The following CACNG2 variants were observed in gnomAD, a reference collection of about 807,000 sequenced individuals.
CACNG2 encodes voltage-dependent calcium channel gamma-2 subunit.
Under a neutral mutation model 25.9 loss-of-function variants are expected in CACNG2, and 3 were observed. The observed-to-expected ratio is 0.12, with a 90% CI of 0.05 to 0.30. CACNG2 has a LOEUF of 0.30. Among genes scored for constraint, CACNG2 ranks in the 10% least tolerant of loss-of-function variants. The pLI is 1.00. For synonymous variants in CACNG2, 167 were observed against 173.3 expected, an observed-to-expected ratio of 0.96 and a Z score of 0.29; for missense variants, 341 against 432.5, an observed-to-expected ratio of 0.79 and a Z score of 1.88.
intron 1 of CACNG2, among the ~76,000 whole-genome samples, chr22:36,636,133 C>T (rs745830378): frequency 6.6e-6 from 1 of 152,144 alleles, no homozygotes; most frequent in East Asian, 1.9e-4. Flanking sequence ...AGAATAAAAA[C>T]CAACATTCTT....
chr22:36,640,156 T>C (rs1936421150), intron 1 of CACNG2, among the ~76,000 whole-genome samples: 1 of 152,150 alleles, frequency 6.6e-6, no homozygotes, highest in African/African-American at 2.4e-5. Flanking sequence ...GTTAATATAG[T>C]TGTGCCTCAG....
intron 1 of CACNG2, among the ~76,000 whole-genome samples, chr22:36,620,755 C>T (rs576259043): frequency 2.2e-4 from 34 of 152,358 alleles, no homozygotes; most frequent in African/African-American, 7.9e-4. Context: ...TGCGTCAGAG[C>T]ATCCAGAGCC....
intron 1 of CACNG2, among the ~76,000 whole-genome samples, chr22:36,663,725 G>T (rs1475947253): frequency 6.6e-6 from 1 of 152,128 alleles, no homozygotes; most frequent in East Asian, 1.9e-4. Context: ...TGACTGCCTG[G>T]TACTGTTCAG....
chr22:36,608,702 C>CT (rs759580928), intron 1 of CACNG2, among the ~76,000 whole-genome samples: 199 of 142,282 alleles, frequency 1.4e-3, no homozygotes, highest in East Asian at 5.7e-3. Context: ...TCCTCAACAT[C>CT]TTTTTTTTTT....
intron 1 of CACNG2, among the ~76,000 whole-genome samples, chr22:36,607,199 G>C (rs1049871245): frequency 6.6e-6 from 1 of 152,052 alleles, no homozygotes; most frequent in Non-Finnish European, 1.5e-5. Flanking sequence ...TTTCCTACTT[G>C]GCAAAATATA....
At chr22:36,575,282 C>T (rs1387187360) in intron 2 of CACNG2, among the ~76,000 whole-genome samples, 1 of 152,200 alleles carries the variant, frequency 6.6e-6, no homozygotes, top group Non-Finnish European at 1.5e-5. Flanking sequence ...AGGCAAGCGA[C>T]ATCTTGCCTT....
At chr22:36,565,785 C>A (rs1026547059) in intron 3 of CACNG2, among the ~76,000 whole-genome samples, 1 of 152,196 alleles carries the variant, frequency 6.6e-6, no homozygotes, top group African/African-American at 2.4e-5. Context: ...CCACTGCACC[C>A]GGCCTGATGT....
intron 1 of CACNG2, among the ~76,000 whole-genome samples, chr22:36,618,786 G>A (rs1251598148): frequency 6.6e-6 from 1 of 152,104 alleles, no homozygotes. Context: ...TGGGTGTGGT[G>A]GTGTGTGCCT....
chr22:36,566,226 G>A lies in CACNG2; in HGVS notation c.436+127C>T, dbSNP rs910610771. ...CCACCACCTTCCTCCCCTGCAACAC[G>A]ACCTAGTGCAAGTCTTGGAGATTTC... On this transcript the variant is annotated intron_variant, in intron 3 of 3. Coordinates refer to ENST00000300105, the MANE Select transcript of CACNG2 (RefSeq NM_006078.5). 4 of 967,430 alleles carry A rather than the reference G, an allele frequency of 4.1e-6. 1 individual carries two copies. The highest frequency in any genetic ancestry group is 6.5e-6 in the Non-Finnish European group (4 of 619,400). The allele number at this position is 967,430 out of a possible 1,614,324, so 59.9% of individuals were successfully genotyped here.
chr22:36,568,128 T>C (rs571386830), intron 2 of CACNG2, among the ~76,000 whole-genome samples: 1 of 151,918 alleles, frequency 6.6e-6, no homozygotes, highest in East Asian at 2.0e-4. Context: ...GATTACAGGC[T>C]TGAGCCACCG....
Position 36,567,831 on chromosome 22 carries a change from G to T in CACNG2, c.296-1338C>A, listed in dbSNP as rs555680128. ...GGCAGAGCTGGCTTGAGGCAGGGGT[G>T]AGGGAAAATATGTCTTCTTTATTAT... On this transcript the variant is annotated intron_variant, in intron 2 of 3. Coordinates refer to ENST00000300105, the MANE Select transcript of CACNG2 (RefSeq NM_006078.5). Among the ~76,000 whole-genome samples, 4 of 152,268 alleles carry T rather than the reference G, an allele frequency of 2.6e-5. No homozygotes were observed. The South Asian group carries it at 8.3e-4, about 32-fold the overall frequency.
chr22:36,639,449 T>C (rs981413510), intron 1 of CACNG2, among the ~76,000 whole-genome samples: 2 of 152,152 alleles, frequency 1.3e-5, no homozygotes, highest in East Asian at 1.9e-4. Context: ...GAGGGACTTA[T>C]GTGGGTCTGG....
intron 1 of CACNG2, among the ~76,000 whole-genome samples, chr22:36,680,743 CACCACT>C (rs1464110306): frequency 2.6e-4 from 14 of 53,326 alleles, no homozygotes; most frequent in Non-Finnish European, 1.2e-4. Flanking sequence ...CCATCACCAC[CACCACT>C]ACCACCACTT....
chr22:36,592,954 A>G (rs1470502214), intron 1 of CACNG2, among the ~76,000 whole-genome samples: 1 of 152,164 alleles, frequency 6.6e-6, no homozygotes, highest in Non-Finnish European at 1.5e-5. Context: ...AGCCCAGCCC[A>G]GTCCCACCAG....
intron 1 of CACNG2, among the ~76,000 whole-genome samples, chr22:36,605,564 C>G (rs1248800895): frequency 1.3e-5 from 2 of 152,232 alleles, no homozygotes; most frequent in Admixed American, 1.3e-4. Context: ...GGTCCACATT[C>G]TAGTTATGCC....
chr22:36,651,416 A>G (rs1384662386), intron 1 of CACNG2, among the ~76,000 whole-genome samples: 1 of 151,520 alleles, frequency 6.6e-6, no homozygotes, highest in Non-Finnish European at 1.5e-5. Context: ...TTAAGTAGAG[A>G]TGGGGTTTTA....
intron 1 of CACNG2, among the ~76,000 whole-genome samples, chr22:36,651,242 T>TG (rs1936610152): frequency 6.9e-6 from 1 of 145,240 alleles, no homozygotes; most frequent in South Asian, 2.3e-4. Context: ...TTTTTTTTTT[T>TG]TTTTTTGACA....
At chr22:36,594,729 CTGTGTGTGCATGGGTGTGTGTGCGTA>C in intron 1 of CACNG2, among the ~76,000 whole-genome samples, 1 of 138,086 alleles carries the variant, frequency 7.2e-6, no homozygotes, top group Non-Finnish European at 1.6e-5. Context: ...GTGTGTGTGT[CTGTGTGTGCATGGGTGTGTGTGCGTA>C]TGTGTGTGCG....
intron 1 of CACNG2, among the ~76,000 whole-genome samples, chr22:36,670,599 T>G (rs905821939): frequency 6.8e-6 from 1 of 148,060 alleles, no homozygotes; most frequent in Non-Finnish European, 1.5e-5. Context: ...GGCTACCTGT[T>G]TTTTGTTTTT....
Sources: allele counts gnomAD v4.1 joint callset (sites outside exome capture counted in the v4.1 genomes callset), GRCh38; gene constraint gnomAD v4.1.1; transcripts MANE v1.5; gene names NCBI Gene and HGNC (gene_info 2026-07-23, HGNC 2026-07-21).